RNF214: variants seen among roughly 807,000 people sequenced by gnomAD.
RNF214 encodes the protein ring finger protein 214.
A neutral mutation model predicts 75.9 loss-of-function variants in RNF214; 25 were observed. The ratio of observed to expected loss-of-function variants is 0.33; its 90% CI spans 0.24 to 0.46. The LOEUF is 0.46. Among genes scored for constraint, RNF214 ranks in the 20% least tolerant of loss-of-function variants. RNF214 has a pLI of 1.00. For missense variants in RNF214, 725 were observed against 857.5 expected (o/e 0.85, Z 1.93); for synonymous variants, 314 against 308.8 (o/e 1.02, Z -0.18).
rs1356807535 is a variant in RNF214 at position 117,286,266 on chromosome 11, C to T, written c.*1115C>T. ...ATTTCAAATTTATAAATCACTTGCT[C>T]TGTGGGTAGCTATCAGGAACTAGAT... On this transcript the variant is annotated 3_prime_UTR_variant, in exon 15 of 15. Coordinates refer to ENST00000300650, the MANE Select transcript of RNF214 (RefSeq NM_207343.4). The T allele has an allele frequency of 6.6e-6, 1 of 152,294 alleles. No individual in the cohort carries two copies. Among genetic ancestry groups the T allele is most frequent in the African/African-American group, 2.4e-5 (1 of 41,420 alleles). The allele number at this position is 152,294 out of a possible 1,614,324, so 9.4% of individuals were successfully genotyped here. A position where few individuals can be genotyped will look rare whatever the true frequency, so the allele number is the denominator to read the frequency against.
chr11:117,280,313 T>G, intron 8 of RNF214, 54 bp downstream of exon 8: 3 of 1,304,126 alleles, frequency 2.3e-6, no homozygotes, highest in Admixed American at 1.7e-5. Flanking sequence ...GTTTGTTTGT[T>G]TGTTTAGGTT....
rs397937528 is a variant in RNF214 at position 117,274,675 on chromosome 11, C to CTT, written c.960-5218_960-5217dup. Among the ~76,000 whole-genome samples, 1,153 of 128,736 alleles carry CTT rather than the reference C, an allele frequency of 9.0e-3. 28 individuals are homozygous for CTT. The highest frequency in any genetic ancestry group is 0.027 in the African/African-American group (920 of 34,656). The allele number at this position is 128,736 out of a possible 152,430, so 84.5% of individuals were successfully genotyped here. A position where few individuals can be genotyped will look rare whatever the true frequency, so the allele number is the denominator to read the frequency against. On this transcript the variant is annotated intron_variant, in intron 6 of 14. Coordinates refer to ENST00000300650, the MANE Select transcript of RNF214 (RefSeq NM_207343.4). Reference sequence around the variant, plus strand: ...TGAGCGACCGTGCCCAGCCATGGCTCTTTTTTTTTTTTTTTTGAGACAGAG... The same window carrying CTT: ...TGAGCGACCGTGCCCAGCCATGGCTCTTTTTTTTTTTTTTTTTTGAGACAGAG...
chr11:117,257,645 C>T (rs2033555789), intron 6 of RNF214, among the ~76,000 whole-genome samples: 1 of 151,934 alleles, frequency 6.6e-6, no homozygotes, highest in Admixed American at 6.6e-5. Context: ...TAGAGAAGGG[C>T]TTAGTACTAC....
intron 6 of RNF214, among the ~76,000 whole-genome samples, chr11:117,259,901 G>A (rs2033616589): frequency 6.6e-6 from 1 of 151,592 alleles, no homozygotes; most frequent in Admixed American, 6.6e-5. Flanking sequence ...TTGCATTTTT[G>A]GTGAAATAAT....
chr11:117,264,927 C>T (rs1565341710), intron 6 of RNF214, among the ~76,000 whole-genome samples: 1 of 151,742 alleles, frequency 6.6e-6, no homozygotes, highest in Non-Finnish European at 1.5e-5. Flanking sequence ...ATTAGCTGGG[C>T]GTGGTGGCAT....
chr11:117,268,492 T>G (rs913569630), intron 6 of RNF214, among the ~76,000 whole-genome samples: 5 of 152,178 alleles, frequency 3.3e-5, no homozygotes, highest in Non-Finnish European at 5.9e-5. Flanking sequence ...ACAGGGAGAA[T>G]TAAATCTCTT....
At chr11:117,236,841 C>T (rs2032925046) in intron 2 of RNF214, among the ~76,000 whole-genome samples, 1 of 152,190 alleles carries the variant, frequency 6.6e-6, no homozygotes, top group African/African-American at 2.4e-5. Context: ...TGAATGTTTA[C>T]TATGTGCCAG....
intron 6 of RNF214, among the ~76,000 whole-genome samples, chr11:117,249,031 T>A (rs188830640): frequency 2.0e-5 from 3 of 152,296 alleles, no homozygotes; most frequent in Non-Finnish European, 4.4e-5. Context: ...CAAGTGATTC[T>A]TTTGCCTCAG....
At chr11:117,240,220 G>A (rs2033032984) in intron 4 of RNF214, among the ~76,000 whole-genome samples, 1 of 151,600 alleles carries the variant, frequency 6.6e-6, no homozygotes, top group Non-Finnish European at 1.5e-5. Context: ...AGGTGTGGTG[G>A]TGCATGCCTA....
intron 4 of RNF214, among the ~76,000 whole-genome samples, chr11:117,244,030 A>G (rs1466375317): frequency 3.3e-5 from 5 of 152,190 alleles, no homozygotes; most frequent in African/African-American, 9.7e-5. Context: ...CGCCTAGGCT[A>G]AAGTGCAGTG....
intron 6 of RNF214, among the ~76,000 whole-genome samples, chr11:117,269,011 AATG>A (rs1394374779): frequency 6.6e-6 from 1 of 152,230 alleles, no homozygotes; most frequent in African/African-American, 2.4e-5. Context: ...ATTGCAGGAG[AATG>A]ATAACCCAAT....
intron 6 of RNF214, among the ~76,000 whole-genome samples, chr11:117,266,850 C>A (rs767993822): frequency 8.6e-6 from 1 of 116,762 alleles, no homozygotes; most frequent in Non-Finnish European, 1.6e-5. Context: ...TATTTTCTTT[C>A]TTCTTTTTCT....
intron 6 of RNF214, among the ~76,000 whole-genome samples, chr11:117,266,390 C>T (rs1054674574): frequency 9.9e-5 from 15 of 151,970 alleles, no homozygotes; most frequent in African/African-American, 3.4e-4. Context: ...GACAGGGTCT[C>T]ACTCTGTCAC....
intron 2 of RNF214, among the ~76,000 whole-genome samples, chr11:117,235,117 TAAA>T (rs1411901275): frequency 6.6e-6 from 1 of 152,232 alleles, no homozygotes; most frequent in Non-Finnish European, 1.5e-5. Context: ...TAATGACAGG[TAAA>T]AAAGTTTGTA....
In RNF214 at chr11:117,238,750, A is replaced by G. The variant is rs760277326; in HGVS notation, c.257A>G (p.Gln86Arg). The G allele has an allele frequency of 3.7e-6, 6 of 1,614,180 alleles. No homozygotes were observed. The highest frequency in any genetic ancestry group is 2.2e-5 in the South Asian group (2 of 91,080). The change falls in exon 3 of 15, where the codon CAG becomes CGG. Residue 86 changes from glutamine to arginine, a missense_variant. Coordinates refer to ENST00000300650, the MANE Select transcript of RNF214 (RefSeq NM_207343.4). ...GCAGGTGACACCTCAGCAGCGCACC[A>G]GGTGGTTTTAGGAGAAAACTTGATA... is the stretch of plus-strand genomic sequence containing the variant. ...SSAGDTSAAH[Q>R]VVLGENLIAT...
chr11:117,242,364 A>G (rs2033103672), intron 4 of RNF214, among the ~76,000 whole-genome samples: 2 of 152,230 alleles, frequency 1.3e-5, no homozygotes, highest in South Asian at 4.1e-4. Flanking sequence ...GAAAAAAGTT[A>G]CTGGTGTACA....
chr11:117,235,962 A>C (rs544094451), intron 2 of RNF214, among the ~76,000 whole-genome samples: 1 of 150,406 alleles, frequency 6.6e-6, no homozygotes, highest in East Asian at 2.0e-4. Flanking sequence ...ATTCTTCCTC[A>C]ACTCTGTTTT....
At chr11:117,281,578 A>G in intron 9 of RNF214, 22 bp from the exon 10 acceptor site, 1 of 1,568,952 alleles carries the variant, frequency 6.4e-7, no homozygotes, top group South Asian at 1.1e-5. Flanking sequence ...TCAGCAGTAA[A>G]AATAATCCTT....
chr11:117,240,836 G>A (rs538509088), intron 4 of RNF214, among the ~76,000 whole-genome samples: 2 of 152,046 alleles, frequency 1.3e-5, no homozygotes, highest in Non-Finnish European at 2.9e-5. Context: ...GAGGTCAGGA[G>A]TTTGAGACCA....
Sources: allele counts gnomAD v4.1 joint callset (sites outside exome capture counted in the v4.1 genomes callset), GRCh38; gene constraint gnomAD v4.1.1; transcripts MANE v1.5; gene names NCBI Gene and HGNC (gene_info 2026-07-23, HGNC 2026-07-21).